Variants in PGBD5 observed in about 807,000 individuals in gnomAD.
PGBD5 encodes piggyBac transposable element-derived protein 5.
In PGBD5, 14 loss-of-function variants were observed where a neutral mutation model predicts 47.9. The observed-to-expected ratio is 0.29, with a 90% CI of 0.19 to 0.46. The LOEUF is 0.46. PGBD5 is among the 20% of genes least tolerant of loss of function. The probability of loss-of-function intolerance (pLI) is 1.00; values close to 1 mark genes in which losing one functional copy is unlikely to be tolerated. For missense variants in PGBD5, 635 were observed against 716.0 expected (o/e 0.89, Z 1.29); for synonymous variants, 316 against 306.3 (o/e 1.03, Z -0.33).
intron 1 of PGBD5, among the ~76,000 whole-genome samples, chr1:230,371,155 C>T (rs1649668122): frequency 1.3e-5 from 2 of 152,328 alleles, no homozygotes; most frequent in African/African-American, 2.4e-5. Context: ...TCTGTGCATA[C>T]TTAAAATGAG....
chr1:230,363,018 C>T (rs1330237195), intron 1 of PGBD5, among the ~76,000 whole-genome samples: 1 of 152,244 alleles, frequency 6.6e-6, no homozygotes, highest in East Asian at 1.9e-4. Flanking sequence ...TGGGGGTGGG[C>T]CTACTGAGTC....
chr1:230,347,715 C>G lies in PGBD5; in HGVS notation c.894+3243G>C, dbSNP rs182471496. ...TGGGCTCTCCTGGAACACACCTGGA[C>G]CCCCACCATCCCTTCAACACCTTAT... On this transcript the variant is annotated intron_variant, in intron 3 of 6. Transcript: ENST00000391860. Among the ~76,000 whole-genome samples, 6 of 152,104 alleles carry G rather than the reference C, an allele frequency of 3.9e-5. No individual in the cohort carries two copies. The East Asian group carries it at 1.2e-3, about 29-fold the overall frequency.
intron 3 of PGBD5, among the ~76,000 whole-genome samples, chr1:230,350,023 GGGA>G (rs1369899428): frequency 1.1e-4 from 16 of 152,238 alleles, no homozygotes; most frequent in Admixed American, 8.5e-4. Context: ...AGTGGATGTG[GGGA>G]GGAGATGTTC....
intron 2 of PGBD5, among the ~76,000 whole-genome samples, chr1:230,355,416 G>A (rs1276971293): frequency 1.3e-5 from 2 of 152,198 alleles, no homozygotes; most frequent in African/African-American, 4.8e-5. Context: ...AGCCTTCTGC[G>A]GCACCTCTCC....
rs1402573605 is a variant in PGBD5, at chr1:230,316,182, A to G, written c.*7243T>C. ...TGTATGTGTATACATACATACGTAC[A>G]CATGTGCATGTGTATACATACATAT... On this transcript the variant is annotated 3_prime_UTR_variant, in exon 7 of 7. Coordinates refer to ENST00000391860, the MANE Select transcript of PGBD5 (RefSeq NM_001258311.2). 1 of 45,534 alleles carries G rather than the reference A, an allele frequency of 2.2e-5. No individual in the cohort carries two copies. The highest frequency in any genetic ancestry group is 1.1e-3 in the East Asian group (1 of 930). The allele number at this position is 45,534 out of a possible 1,614,324, so 2.8% of individuals were successfully genotyped here. A position where few individuals can be genotyped will look rare whatever the true frequency, so the allele number is the denominator to read the frequency against.
rs370361210 is a variant in PGBD5 at position 230,323,653 on chromosome 1, G to A, written c.1380-33C>T. 2.6e-5 allele frequency: 41 copies of A among 1,587,376 alleles called. No homozygotes were observed. In the Middle Eastern group the frequency reaches 5.1e-4, roughly 20 times the overall value. On this transcript the variant is annotated intron_variant, in intron 6 of 6. Coordinates refer to ENST00000391860, the MANE Select transcript of PGBD5 (RefSeq NM_001258311.2). The surrounding 1 kb of genome is among the most constrained non-coding windows in gnomAD (Gnocchi z 4.1). ...CAGAGGGAATAAGAACGGCTGACCC[G>A]ATGGTTCATGGCACCCGGAGATGCA...
At chr1:230,411,600 A>G (rs1463513221) in intron 1 of PGBD5, among the ~76,000 whole-genome samples, 3 of 152,216 alleles carry the variant, frequency 2.0e-5, no homozygotes, top group African/African-American at 7.2e-5. Flanking sequence ...ATAATAAACC[A>G]ATTCATTTAT....
chr1:230,324,079 A>C lies in PGBD5; in HGVS notation c.1380-459T>G, dbSNP rs188494068. Among the ~76,000 whole-genome samples, 487 of 152,208 alleles carry C rather than the reference A, an allele frequency of 3.2e-3. 3 individuals carry two copies. Among genetic ancestry groups the C allele is most frequent in the African/African-American group, 0.011 (473 of 41,540 alleles). ...TCCCGAATGTACCTTTGCCATCCCC[A>C]CCATCCCTGCAGATGAAGGCACACA... On this transcript the variant is annotated intron_variant, in intron 6 of 6. Coordinates refer to ENST00000391860, the MANE Select transcript of PGBD5 (RefSeq NM_001258311.2).
Position 230,323,610 on chromosome 1 carries a change from A to T in PGBD5, c.1390T>A (p.Ser464Thr), listed in dbSNP as rs1667071246. ...YDDKYSKYFI[S>T]HKPNKTWQQV... is the part of the protein sequence containing the mutation. ...TGCCAGGTCTTGTTTGGTTTATGAG[A>T]AATGAAATACCTGAGGACAGAGGGA... The change falls in exon 7 of 7, where the codon TCT becomes ACT. Residue 464 changes from serine to threonine, a missense_variant. Ser to Thr is a moderately conservative substitution (Grantham distance 58). Transcript: ENST00000391860. The surrounding 1 kb of genome is among the most constrained non-coding windows in gnomAD (Gnocchi z 4.1). 6 of 1,613,666 alleles carry T rather than the reference A, an allele frequency of 3.7e-6. No individual in the cohort carries two copies. The highest frequency in any genetic ancestry group is 4.2e-6 in the Non-Finnish European group (5 of 1,179,772).
chr1:230,412,991 T>C (rs1203008820), intron 1 of PGBD5, among the ~76,000 whole-genome samples: 1 of 152,268 alleles, frequency 6.6e-6, no homozygotes, highest in South Asian at 2.1e-4. Flanking sequence ...AGTAAGTCAT[T>C]AACAGGTTCT....
Position 230,321,850 on chromosome 1 carries a change from G to A in PGBD5, c.*1575C>T, listed in dbSNP as rs1265477436. ...TCCCATTAAAGGGCACAGCAAGGGTGTTTGGAAACACGATCTGAAATTTGG... is the reference window on the plus strand; with the variant it reads ...TCCCATTAAAGGGCACAGCAAGGGTATTTGGAAACACGATCTGAAATTTGG... On this transcript the variant is annotated 3_prime_UTR_variant, in exon 7 of 7. Coordinates refer to ENST00000391860, the MANE Select transcript of PGBD5 (RefSeq NM_001258311.2). The A allele has an allele frequency of 1.3e-5, 2 of 152,632 alleles. No homozygotes were observed. The highest frequency in any genetic ancestry group is 2.9e-5 in the Non-Finnish European group (2 of 68,054). The allele number at this position is 152,632 out of a possible 1,614,324, so 9.5% of individuals were successfully genotyped here.
At chr1:230,368,025 C>T (rs764295489) in intron 1 of PGBD5, 2 of 1,367,918 alleles carry the variant, frequency 1.5e-6, no homozygotes, top group Non-Finnish European at 2.0e-6. Context: ...CACCACACCC[C>T]ACATAGGCAG....
rs2102706320 is a variant in PGBD5 at position 230,357,427 on chromosome 1, C to T, written c.332-106G>A. 8.0e-7 allele frequency: 1 copy of T among 1,248,638 alleles called. No individual in the cohort carries two copies. The highest frequency in any genetic ancestry group is 1.1e-6 in the Non-Finnish European group (1 of 901,134). 77.3% of individuals were successfully genotyped at this position (1,248,638 alleles called of 1,614,324 possible). On this transcript the variant is annotated intron_variant, in intron 1 of 6. Coordinates refer to ENST00000391860, the MANE Select transcript of PGBD5 (RefSeq NM_001258311.2). The surrounding 1 kb of genome is among the most constrained non-coding windows in gnomAD (Gnocchi z 5.7). The stretch of plus-strand genomic sequence containing the variant: ...TCCCTGGGTCCCTGGCCGAGTGCCC[C>T]CGCTGCCTCCAGTGCTACCGCCTTC...
In PGBD5 at chr1:230,319,698, C is replaced by A. The variant is rs1405152289; in HGVS notation, c.*3727G>T. On this transcript the variant is annotated 3_prime_UTR_variant, in exon 7 of 7. Coordinates refer to ENST00000391860, the MANE Select transcript of PGBD5 (RefSeq NM_001258311.2). ...AGCAGAGTTAACTCAATTTTGGTGA[C>A]CAAGCCTCATCTGATTTAGTCAGTA... 2.6e-5 allele frequency: 4 copies of A among 152,148 alleles called. No individual in the cohort carries two copies. Among genetic ancestry groups the A allele is most frequent in the Non-Finnish European group, 5.9e-5 (4 of 68,046 alleles). The allele number at this position is 152,148 out of a possible 1,614,324, so 9.4% of individuals were successfully genotyped here. A position where few individuals can be genotyped will look rare whatever the true frequency, so the allele number is the denominator to read the frequency against.
At chr1:230,359,550 C>T (rs1667711004) in intron 1 of PGBD5, among the ~76,000 whole-genome samples, 2 of 152,112 alleles carry the variant, frequency 1.3e-5, no homozygotes, top group South Asian at 4.1e-4. Context: ...GCTCTGACAC[C>T]CCAAATTTAC....
chr1:230,391,182 C>T (rs2102732657), intron 1 of PGBD5, among the ~76,000 whole-genome samples: 1 of 152,116 alleles, frequency 6.6e-6, no homozygotes, highest in Non-Finnish European at 1.5e-5. Context: ...GGAGCTGCTA[C>T]CAGCCTGTCG....
In PGBD5 at chr1:230,360,535, G is replaced by C. The variant is rs751455443; in HGVS notation, c.332-3214C>G. ...ATCATGGGGGCGGGTCCCCCATGCT[G>C]TTCTCGTGATAGTGAGTGAATCTCA... On this transcript the variant is annotated intron_variant, in intron 1 of 6. Transcript: ENST00000391860. Among the ~76,000 whole-genome samples, 70 of 152,264 alleles carry C rather than the reference G, an allele frequency of 4.6e-4. 1 individual carries two copies. The highest frequency in any genetic ancestry group is 2.1e-3 in the South Asian group (10 of 4,826).
chr1:230,337,134 G>T lies in PGBD5; in HGVS notation c.1049C>A (p.Thr350Lys). ...IFTGPSITSL[T>K]LFEEFEKQGI... ...TTGCTTCTCAAACTCTTCAAACAGC[G>T]TCAGGCTGGTGATGCTGGGCCCCGT... The change falls in exon 4 of 7, where the codon ACG (threonine) becomes AAG (lysine). Residue 350 changes from threonine to lysine, a missense_variant. Coordinates refer to ENST00000391860, the MANE Select transcript of PGBD5 (RefSeq NM_001258311.2). 1 of 1,614,170 alleles carries T rather than the reference G, an allele frequency of 6.2e-7. No homozygotes were observed. Among genetic ancestry groups the T allele is most frequent in the Non-Finnish European group, 8.5e-7 (1 of 1,180,028 alleles).
At chr1:230,413,926 T>G (rs1351031341) in intron 1 of PGBD5, among the ~76,000 whole-genome samples, 1 of 152,130 alleles carries the variant, frequency 6.6e-6, no homozygotes, top group Non-Finnish European at 1.5e-5. Context: ...ATGTATGAAA[T>G]GTATTTGAAA....
Sources: gnomAD v4.1 joint callset for allele counts (sites outside exome capture counted in the v4.1 genomes callset) on GRCh38, gnomAD v4.1.1 for gene constraint, Gnocchi (gnomAD v3.1) non-coding constraint, MANE v1.5 for transcripts, NCBI Gene and HGNC (gene_info 2026-07-23, HGNC 2026-07-21) for gene names.